PLXNA2: variants seen among roughly 807,000 people sequenced by gnomAD.
PLXNA2 encodes the protein plexin A2, also known as plexin-A2.
In PLXNA2, 91 loss-of-function variants were observed where a neutral mutation model predicts 193.5. The ratio of observed to expected loss-of-function variants is 0.47; its 90% CI spans 0.40 to 0.56. PLXNA2 has a LOEUF of 0.56. Among genes scored for constraint, PLXNA2 ranks in the 20% least tolerant of loss-of-function variants. The pLI is 0.00. For missense variants in PLXNA2, 1,995 were observed against 2,503.2 expected (o/e 0.80, Z 4.33); for synonymous variants, 997 against 1,027.3 (o/e 0.97, Z 0.56).
intron 9 of PLXNA2, among the ~76,000 whole-genome samples, chr1:208,086,322 A>G (rs1281139626): frequency 1.3e-5 from 2 of 150,522 alleles, no homozygotes; most frequent in Non-Finnish European, 3.0e-5. Context: ...TTTTTTTTTT[A>G]GCTCCAACTT....
intron 8 of PLXNA2, among the ~76,000 whole-genome samples, chr1:208,095,038 C>A (rs1018799603): frequency 1.7e-4 from 26 of 152,162 alleles, no homozygotes; most frequent in African/African-American, 6.3e-4. Context: ...CCAAGTGGTT[C>A]CTGCCTTGGA....
chr1:208,241,909 C>T (rs1672066051), intron 1 of PLXNA2, among the ~76,000 whole-genome samples: 1 of 150,186 alleles, frequency 6.7e-6, no homozygotes, highest in Non-Finnish European at 1.5e-5. Context: ...TGACAGATTC[C>T]ACTGTTTCCT....
At position 208,023,934 on chromosome 1, in the gene PLXNA2, C is replaced by A. The variant is rs370486403; in HGVS notation, c.*3309G>T. 1.3e-5 allele frequency: 2 copies of A among 152,248 alleles called. No homozygotes were observed. Among genetic ancestry groups the A allele is most frequent in the South Asian group, 4.1e-4 (2 of 4,830 alleles). The allele number at this position is 152,248 out of a possible 1,614,324, so 9.4% of individuals were successfully genotyped here. A position where few individuals can be genotyped will look rare whatever the true frequency, so the allele number is the denominator to read the frequency against. ...TGACTGAACTCTGTAAAGAGGGGAA[C>A]CCTCTGCCAATGGGGGATCAAAATG... On this transcript the variant is annotated 3_prime_UTR_variant, in exon 32 of 32. Transcript: ENST00000367033.
At chr1:208,113,570 G>GTTTTTT (rs1433596235) in intron 4 of PLXNA2, among the ~76,000 whole-genome samples, 5 of 82,732 alleles carry the variant, frequency 6.0e-5, no homozygotes, top group African/African-American at 2.2e-4. Context: ...TTTTTTTTGA[G>GTTTTTT]ATGCGGTCTT....
intron 1 of PLXNA2, among the ~76,000 whole-genome samples, chr1:208,234,376 A>G (rs887835078): frequency 2.0e-5 from 3 of 152,232 alleles, no homozygotes; most frequent in African/African-American, 7.2e-5. Flanking sequence ...AGGAAAATCA[A>G]GGGCTCTTGC....
intron 5 of PLXNA2, among the ~76,000 whole-genome samples, chr1:208,099,977 C>G (rs1023171425): frequency 6.6e-6 from 1 of 151,982 alleles, no homozygotes; most frequent in Non-Finnish European, 1.5e-5. Context: ...ACTTTGGGGC[C>G]AAAGAGCCTG....
intron 3 of PLXNA2, among the ~76,000 whole-genome samples, chr1:208,172,026 TA>T (rs112716826): frequency 7.4e-5 from 10 of 135,154 alleles, no homozygotes; most frequent in African/African-American, 1.4e-4. Flanking sequence ...GGTTTTGCCA[TA>T]AAAAAAAAAA....
intron 4 of PLXNA2, among the ~76,000 whole-genome samples, chr1:208,141,922 C>T (rs746233510): frequency 6.6e-6 from 1 of 152,236 alleles, no homozygotes; most frequent in African/African-American, 2.4e-5. Context: ...CCTTCTGGGG[C>T]CCTGTCTTGG....
At chr1:208,099,654 TC>T (rs928327929) in intron 5 of PLXNA2, among the ~76,000 whole-genome samples, 1 of 152,066 alleles carries the variant, frequency 6.6e-6, no homozygotes, top group African/African-American at 2.4e-5. Flanking sequence ...CACTGAAAAC[TC>T]CACCTCCCGG....
chr1:208,104,830 T>A (rs1259079219), intron 4 of PLXNA2, among the ~76,000 whole-genome samples: 1 of 152,160 alleles, frequency 6.6e-6, no homozygotes, highest in Admixed American at 6.5e-5. Flanking sequence ...AATAAAAACA[T>A]GAAATGCAGG....
At chr1:208,168,590 CAT>C (rs1410302845) in intron 3 of PLXNA2, among the ~76,000 whole-genome samples, 1 of 152,158 alleles carries the variant, frequency 6.6e-6, no homozygotes, top group Non-Finnish European at 1.5e-5. Context: ...TTGCTCAAGG[CAT>C]ACAGCTAGCC....
chr1:208,175,346 G>T (rs1045500819), intron 3 of PLXNA2, among the ~76,000 whole-genome samples: 12 of 152,314 alleles, frequency 7.9e-5, no homozygotes, highest in African/African-American at 2.9e-4. Flanking sequence ...GTGGACTCCA[G>T]TATGGAATAC....
chr1:208,138,874 A>T (rs1323968004), intron 4 of PLXNA2, among the ~76,000 whole-genome samples: 1 of 152,184 alleles, frequency 6.6e-6, no homozygotes, highest in African/African-American at 2.4e-5. Flanking sequence ...TAAAAATACA[A>T]AAATTAGCTG....
At chr1:208,195,139 T>C (rs151189833) in intron 3 of PLXNA2, among the ~76,000 whole-genome samples, 305 of 152,242 alleles carry the variant, frequency 2.0e-3, no homozygotes, top group Non-Finnish European at 3.7e-3. Context: ...AAGAAGTTGC[T>C]CCAAGATCTA....
At position 208,055,702 on chromosome 1, in the gene PLXNA2, G is replaced by A. The variant is rs1665408937; in HGVS notation, c.2739-1164C>T. 1.3e-5 allele frequency among the ~76,000 whole-genome samples: 2 copies of A among 152,086 alleles called. 1 individual carries two copies. Among genetic ancestry groups the A allele is most frequent in the South Asian group, 4.1e-4 (2 of 4,826 alleles). ...TAACCGAGCGATGCTTATCTCAACA[G>A]CTTCTCTAGGAAGGAAGGTAACTAA... is the stretch of plus-strand genomic sequence containing the variant. On this transcript the variant is annotated intron_variant, in intron 13 of 31. Coordinates refer to ENST00000367033, the MANE Select transcript of PLXNA2 (RefSeq NM_025179.4).
In PLXNA2 at chr1:208,142,454, C is replaced by A; in HGVS notation, c.1381G>T (p.Asp461Tyr). 6.2e-7 allele frequency: 1 copy of A among 1,605,924 alleles called. No homozygotes were observed. The highest frequency in any genetic ancestry group is 8.5e-7 in the Non-Finnish European group (1 of 1,176,858). ...KSGKLKKIRA[D>Y]GPPHGGVQYE... ...TGGACCCCACCATGGGGGGGACCGT[C>A]GGCCCGAATCTGTATGAGAAACAAG... The change falls in exon 4 of 32, where the codon GAC becomes TAC. Residue 461 changes from aspartate (D) to tyrosine (Y), a missense_variant. Asp to Tyr is a radical substitution (Grantham distance 160). Around this residue, in one of 3 missense-constraint regions of PLXNA2, gnomAD observed 702 missense variants for 812.9 expected, o/e 0.86. Transcript: ENST00000367033.
chr1:208,039,535 C>T, intron 24 of PLXNA2, 86 bp downstream of exon 24: 1 of 1,566,392 alleles, frequency 6.4e-7, no homozygotes, highest in Admixed American at 1.7e-5. Context: ...TTATTGACCC[C>T]CTAGACTGCT....
At chr1:208,098,757 C>A in intron 6 of PLXNA2, 89 bp downstream of exon 6, 3 of 1,447,192 alleles carry the variant, frequency 2.1e-6, no homozygotes, top group Non-Finnish European at 2.8e-6. Context: ...GATCAATTTA[C>A]AGATACTTGT....
chr1:208,066,462 G>A (rs1444691099), intron 12 of PLXNA2, among the ~76,000 whole-genome samples: 3 of 152,170 alleles, frequency 2.0e-5, no homozygotes, highest in African/African-American at 4.8e-5. Flanking sequence ...TATATACGAC[G>A]ATGGTTCTTT....
Sources: allele counts gnomAD v4.1 joint callset (sites outside exome capture counted in the v4.1 genomes callset), GRCh38; gene constraint gnomAD v4.1.1; regional missense constraint gnomAD v4.1.1; transcripts MANE v1.5; gene names NCBI Gene and HGNC (gene_info 2026-07-23, HGNC 2026-07-21).